BCL2L13: variants seen among roughly 807,000 people sequenced by gnomAD.
The protein encoded by BCL2L13 is BCL2 like 13, also known as bcl-2-like protein 13.
In BCL2L13, 13 loss-of-function variants were observed where a neutral mutation model predicts 25.8. That is an observed-to-expected ratio of 0.50 (90% CI 0.33 to 0.80). The LOEUF (loss-of-function observed/expected upper bound fraction) is 0.80. BCL2L13 is among the 30% of genes least tolerant of loss of function. BCL2L13 has a pLI of 0.02. For synonymous variants in BCL2L13, 244 were observed against 230.3 expected (o/e 1.06, Z -0.54); for missense variants, 504 against 574.9 (o/e 0.88, Z 1.26).
chr22:17,636,904 A>G (rs1303833916), upstream of BCL2L13, among the ~76,000 whole-genome samples: 10 of 152,270 alleles, frequency 6.6e-5, no homozygotes, highest in Non-Finnish European at 7.3e-5. Flanking sequence ...ACCTCCCAAA[A>G]TAAATTATTG....
intron 2 of BCL2L13, among the ~76,000 whole-genome samples, chr22:17,669,531 G>A (rs1166191919): frequency 2.6e-5 from 4 of 152,156 alleles, no homozygotes; most frequent in African/African-American, 9.7e-5. Flanking sequence ...AAGGAACTGA[G>A]CAAGAACTCA....
intron 6 of BCL2L13, among the ~76,000 whole-genome samples, chr22:17,715,797 G>C (rs1052368973): frequency 6.6e-6 from 1 of 152,144 alleles, no homozygotes; most frequent in Admixed American, 6.5e-5. Flanking sequence ...TCTGTTTGGG[G>C]GTTGGAATTG....
intron 5 of BCL2L13, among the ~76,000 whole-genome samples, chr22:17,700,838 C>T (rs2060411900): frequency 6.6e-6 from 1 of 152,138 alleles, no homozygotes; most frequent in Non-Finnish European, 1.5e-5. Flanking sequence ...AGAGATTCCC[C>T]CAGGGCTGCT....
chr22:17,688,919 C>T (rs926100242), intron 3 of BCL2L13, 67 bp from the exon 4 acceptor site: 6 of 1,508,948 alleles, frequency 4.0e-6, no homozygotes, highest in Admixed American at 1.9e-5. Flanking sequence ...AGGCATGTGC[C>T]ACCACACCCA....
At chr22:17,677,867 C>CA (rs34495758) in intron 2 of BCL2L13, among the ~76,000 whole-genome samples, 21,769 of 139,768 alleles carry the variant, frequency 0.16, 2,007 homozygotes, top group Non-Finnish European at 0.21. Context: ...GACTCTGTCT[C>CA]AAAAAAAAAA....
Position 17,694,190 on chromosome 22 carries a change from T to G in BCL2L13, c.387-1951T>G, listed in dbSNP as rs937195869. Among the ~76,000 whole-genome samples, 6 of 151,522 alleles carry G rather than the reference T, an allele frequency of 4.0e-5. 1 individual carries two copies. The highest frequency in any genetic ancestry group is 7.3e-5 in the African/African-American group (3 of 40,868). Reference sequence around the variant, plus strand: ...CTGAACAATTGATGCCTTCATATGTTACTTGGTCCCCAAGTCTTTTGTTTT... The same window carrying G: ...CTGAACAATTGATGCCTTCATATGTGACTTGGTCCCCAAGTCTTTTGTTTT... On this transcript the variant is annotated intron_variant, in intron 4 of 6. Coordinates refer to ENST00000317582, the MANE Select transcript of BCL2L13 (RefSeq NM_015367.4).
At chr22:17,687,957 A>G (rs2059994551) in intron 3 of BCL2L13, among the ~76,000 whole-genome samples, 3 of 151,094 alleles carry the variant, frequency 2.0e-5, no homozygotes, top group African/African-American at 7.3e-5. Context: ...AGCTGGGGTT[A>G]CAGGCATGCA....
At chr22:17,686,801 G>GCC (rs947342887) in intron 3 of BCL2L13, among the ~76,000 whole-genome samples, 5 of 152,082 alleles carry the variant, frequency 3.3e-5, no homozygotes, top group African/African-American at 1.2e-4. Context: ...GAAACACTGT[G>GCC]CCCGACCATT....
intron 2 of BCL2L13, among the ~76,000 whole-genome samples, chr22:17,672,554 G>A (rs572574814): frequency 2.0e-5 from 3 of 152,310 alleles, no homozygotes; most frequent in African/African-American, 2.4e-5. Context: ...GCCCCACTGC[G>A]TAGCTCTGTG....
At chr22:17,723,947 A>G (rs2061224992) in intron 6 of BCL2L13, among the ~76,000 whole-genome samples, 1 of 152,010 alleles carries the variant, frequency 6.6e-6, no homozygotes, top group Admixed American at 6.5e-5. Flanking sequence ...AAAAACAAAA[A>G]AAAACAAAAA....
chr22:17,659,143 A>T (rs1371215154), intron 2 of BCL2L13, among the ~76,000 whole-genome samples: 1 of 143,284 alleles, frequency 7.0e-6, no homozygotes, highest in African/African-American at 2.5e-5. Flanking sequence ...AGGTGGGTGG[A>T]TCATGAGGTC....
chr22:17,697,677 T>C (rs1300001313), intron 5 of BCL2L13, among the ~76,000 whole-genome samples: 1 of 152,218 alleles, frequency 6.6e-6, no homozygotes, highest in African/African-American at 2.4e-5. Context: ...CTTTAACACA[T>C]GGGACCTTAT....
At chr22:17,681,292 G>T (rs1454679657) in intron 2 of BCL2L13, among the ~76,000 whole-genome samples, 1 of 152,002 alleles carries the variant, frequency 6.6e-6, no homozygotes, top group Non-Finnish European at 1.5e-5. Flanking sequence ...GGATCACGGG[G>T]CCAGGAGATC....
intron 1 of BCL2L13, among the ~76,000 whole-genome samples, chr22:17,639,372 CT>C (rs1302188368): frequency 6.6e-6 from 1 of 152,250 alleles, no homozygotes; most frequent in Non-Finnish European, 1.5e-5. Flanking sequence ...TAATTCACTG[CT>C]GTTCTGACAC....
chr22:17,685,680 C>T (rs1247397809), intron 3 of BCL2L13, among the ~76,000 whole-genome samples: 1 of 145,364 alleles, frequency 6.9e-6, no homozygotes, highest in Non-Finnish European at 1.5e-5. Flanking sequence ...TACTTGTTTA[C>T]TATTATGTAT....
chr22:17,709,729 C>G (rs1425653384), intron 6 of BCL2L13, among the ~76,000 whole-genome samples: 1 of 151,822 alleles, frequency 6.6e-6, no homozygotes, highest in African/African-American at 2.4e-5. Context: ...AACCCAGGAG[C>G]TGAGATTGTG....
In BCL2L13 at chr22:17,726,884, T is replaced by A; in HGVS notation, c.808T>A (p.Ser270Thr). Residue 270 changes from serine (S) to threonine (T), a missense_variant, in exon 7 of 7, where the codon TCA (serine) becomes ACA (threonine). Ser to Thr is a moderately conservative substitution (Grantham distance 58). Coordinates refer to ENST00000317582, the MANE Select transcript of BCL2L13 (RefSeq NM_015367.4). ...TTGGCACACAGAAAGCCTGCCAGTG[T>A]CACTAGGCCCTGAGTCCTGGCAGCA... ...QSWHTESLPV[S>T]LGPESWQQIA... The A allele has an allele frequency of 1.2e-6, 2 of 1,613,968 alleles. No homozygotes were observed. Among genetic ancestry groups the A allele is most frequent in the Non-Finnish European group, 1.7e-6 (2 of 1,179,850 alleles).
intron 1 of BCL2L13, among the ~76,000 whole-genome samples, chr22:17,639,553 G>T (rs1316943818): frequency 6.6e-6 from 1 of 152,182 alleles, no homozygotes; most frequent in Non-Finnish European, 1.5e-5. Context: ...AAATCGGACG[G>T]ATCTGGCCAG....
intron 2 of BCL2L13, among the ~76,000 whole-genome samples, chr22:17,680,206 A>ACT (rs1046932956): frequency 4.6e-5 from 4 of 87,650 alleles, no homozygotes; most frequent in African/African-American, 4.6e-5. Context: ...CAAGGGCGTA[A>ACT]CTCTCTCTCA....
Sources: gnomAD v4.1 joint callset for allele counts (sites outside exome capture counted in the v4.1 genomes callset) on GRCh38, gnomAD v4.1.1 for gene constraint, MANE v1.5 for transcripts, NCBI Gene and HGNC (gene_info 2026-07-23, HGNC 2026-07-21) for gene names.